Variants in HCK observed in about 807,000 individuals in gnomAD.
HCK encodes the protein tyrosine-protein kinase HCK.
In HCK, 40 loss-of-function variants were observed where a neutral mutation model predicts 70.4. The ratio of observed to expected loss-of-function variants is 0.57; its 90% CI spans 0.44 to 0.74. HCK has a LOEUF of 0.74. Ranked by LOEUF, HCK falls within the 30% of genes least tolerant of loss-of-function variation. The pLI, the probability that HCK is intolerant of heterozygous loss-of-function variation, is 0.00. For synonymous variants in HCK, 245 were observed against 263.2 expected (o/e 0.93, Z 0.67); for missense variants, 568 against 697.2 (o/e 0.81, Z 2.09).
intron 7 of HCK, 68 bp from the exon 8 acceptor site, chr20:32,084,323 C>A: frequency 6.7e-7 from 1 of 1,503,514 alleles, no homozygotes; most frequent in Non-Finnish European, 9.0e-7. Context: ...GGTAGGGCGG[C>A]CTCCAAGGAG....
chr20:32,054,602 C>G (rs1268017103), intron 1 of HCK, among the ~76,000 whole-genome samples: 3 of 144,720 alleles, frequency 2.1e-5, no homozygotes, highest in Non-Finnish European at 4.5e-5. Context: ...GTCAGGAGAT[C>G]GAGACCATCC....
At chr20:32,056,869 C>T (rs746152363) in intron 1 of HCK, among the ~76,000 whole-genome samples, 2 of 152,190 alleles carry the variant, frequency 1.3e-5, no homozygotes, top group Non-Finnish European at 2.9e-5. Context: ...ACTGTATCTT[C>T]TAACACCTGG....
intron 12 of HCK, among the ~76,000 whole-genome samples, chr20:32,100,194 C>T (rs2046014931): frequency 6.6e-6 from 1 of 152,202 alleles, no homozygotes; most frequent in South Asian, 2.1e-4. Flanking sequence ...AGACACACAC[C>T]ACCATGCCCA....
At chr20:32,096,317 T>C (rs924182702) in intron 11 of HCK, among the ~76,000 whole-genome samples, 11 of 149,754 alleles carry the variant, frequency 7.3e-5, no homozygotes, top group African/African-American at 2.7e-4. Context: ...GCCAATATGG[T>C]GAAACCCTGT....
chr20:32,056,959 GC>G (rs1220390209), intron 1 of HCK, among the ~76,000 whole-genome samples: 3 of 152,172 alleles, frequency 2.0e-5, no homozygotes, highest in African/African-American at 7.2e-5. Flanking sequence ...TCCCTCCCTT[GC>G]CTGAGATATT....
chr20:32,094,658 G>A (rs1052704090), intron 11 of HCK, among the ~76,000 whole-genome samples: 4 of 145,968 alleles, frequency 2.7e-5, no homozygotes, highest in African/African-American at 1.0e-4. Context: ...ACTGCACCCA[G>A]CCTGGTGGAC....
chr20:32,065,662 G>GAC (rs2045445124), intron 1 of HCK, among the ~76,000 whole-genome samples: 2 of 152,190 alleles, frequency 1.3e-5, no homozygotes, highest in African/African-American at 4.8e-5. Context: ...TCCCAGGGCA[G>GAC]ACTGCCTCAG....
chr20:32,067,293 C>A lies in HCK; in HGVS notation c.63-4369C>A, dbSNP rs144930136. Among the ~76,000 whole-genome samples the A allele has an allele frequency of 6.4e-4, 97 of 152,182 alleles. 1 individual carries two copies. The East Asian group carries it at 0.018, about 28-fold the overall frequency. On this transcript the variant is annotated intron_variant, in intron 1 of 12. Transcript: ENST00000375852. ...GTGTACACTTCAGTGGTATTCAATC[C>A]ATTCAGCATGTTGTGCAACCCTCAC...
intron 11 of HCK, among the ~76,000 whole-genome samples, chr20:32,094,793 GAAAGAAAGA>G (rs1210819436): frequency 5.0e-5 from 1 of 19,850 alleles, no homozygotes; most frequent in Non-Finnish European, 1.3e-4. Flanking sequence ...GAAAGAGAAA[GAAAGAAAGA>G]AAGAAAGAAA....
chr20:32,084,182 A>T (rs535898005), intron 7 of HCK, 139 bp downstream of exon 7: 1 of 1,104,340 alleles, frequency 9.1e-7, no homozygotes, highest in African/African-American at 1.6e-5. Context: ...ATGCTTCTGA[A>T]GGCTTAGGAC....
chr20:32,056,517 G>GAA (rs369307656), intron 1 of HCK, among the ~76,000 whole-genome samples: 133 of 144,112 alleles, frequency 9.2e-4, no homozygotes, highest in Admixed American at 2.0e-3. Flanking sequence ...CTCCTTCTCA[G>GAA]AAAAAAAAAA....
intron 5 of HCK, among the ~76,000 whole-genome samples, chr20:32,077,214 A>C (rs956441694): frequency 6.6e-6 from 1 of 152,204 alleles, no homozygotes; most frequent in African/African-American, 2.4e-5. Flanking sequence ...GACCTTGGGA[A>C]TCAGGGCGGG....
At chr20:32,096,280 C>T (rs777237655) in intron 11 of HCK, among the ~76,000 whole-genome samples, 1 of 151,412 alleles carries the variant, frequency 6.6e-6, no homozygotes, top group Non-Finnish European at 1.5e-5. Context: ...AGGCGGATCA[C>T]AAGGTCAGGA....
At chr20:32,060,089 T>C (rs1056936388) in intron 1 of HCK, among the ~76,000 whole-genome samples, 11 of 152,110 alleles carry the variant, frequency 7.2e-5, no homozygotes, top group African/African-American at 1.9e-4. Flanking sequence ...GGCCACCATG[T>C]CCTGTCTGGA....
chr20:32,091,982 GAA>G (rs113743904), intron 10 of HCK, among the ~76,000 whole-genome samples: 3 of 137,240 alleles, frequency 2.2e-5, no homozygotes, highest in Admixed American at 1.5e-4. Context: ...TGTCTCAAAA[GAA>G]AAAAAAAAAG....
intron 11 of HCK, among the ~76,000 whole-genome samples, chr20:32,094,811 A>AAAG (rs1555877836): frequency 0.04 from 4,903 of 121,370 alleles, 243 homozygotes; most frequent in South Asian, 0.053. Context: ...GAAAGAAAGA[A>AAAG]AGAAAGAAAG....
chr20:32,059,803 A>G (rs1187700254), intron 1 of HCK, among the ~76,000 whole-genome samples: 1 of 152,186 alleles, frequency 6.6e-6, no homozygotes, highest in Non-Finnish European at 1.5e-5. Flanking sequence ...GATGTGAGCC[A>G]CCATACCTGG....
At chr20:32,071,979 CTCTT>C (rs1045049502) in intron 2 of HCK, 197 bp downstream of exon 2, 4 of 629,792 alleles carry the variant, frequency 6.4e-6, no homozygotes, top group African/African-American at 1.9e-5. Context: ...GAAGTCATCT[CTCTT>C]TCCTGCAGCC....
chr20:32,068,834 C>A (rs999085319), intron 1 of HCK, among the ~76,000 whole-genome samples: 2 of 151,990 alleles, frequency 1.3e-5, no homozygotes, highest in Non-Finnish European at 2.9e-5. Context: ...GTCCCAGCTA[C>A]TAAGGAGGCT....
Sources: gnomAD v4.1 joint callset for allele counts (sites outside exome capture counted in the v4.1 genomes callset) on GRCh38, gnomAD v4.1.1 for gene constraint, MANE v1.5 for transcripts, NCBI Gene and HGNC (gene_info 2026-07-23, HGNC 2026-07-21) for gene names.